The following PDE3B variants were observed in gnomAD, a reference collection of about 807,000 sequenced individuals.
PDE3B encodes the protein cGMP-inhibited 3',5'-cyclic phosphodiesterase 3B.
PDE3B carries 66 observed loss-of-function variants against 116.8 expected under a neutral mutation model. The observed-to-expected ratio is 0.56, with a 90% confidence interval of 0.46 to 0.69. The LOEUF is 0.69. PDE3B is among the 30% of genes least tolerant of loss of function. PDE3B has a pLI of 0.00. For missense variants in PDE3B, 1,384 were observed against 1,368.1 expected (o/e 1.01, Z -0.18); for synonymous variants, 595 against 533.6 (o/e 1.12, Z -1.59).
rs149561682 is a variant in PDE3B, at chr11:14,705,650, C to T, written c.978+60597C>T. ...TGCATATTTTATTCAACAAGTTTGA[C>T]GAAGGAACTTAGGAACACTAAGTTG... On this transcript the variant is annotated intron_variant, in intron 1 of 15. Coordinates refer to ENST00000282096, the MANE Select transcript of PDE3B (RefSeq NM_000922.4). Among the ~76,000 whole-genome samples, 9 of 151,810 alleles carry T rather than the reference C, an allele frequency of 5.9e-5. No homozygotes were observed. The East Asian group carries it at 9.7e-4, about 16-fold the overall frequency.
chr11:14,701,839 A>T (rs962017105), intron 1 of PDE3B, among the ~76,000 whole-genome samples: 2 of 151,390 alleles, frequency 1.3e-5, no homozygotes, highest in Non-Finnish European at 3.0e-5. Flanking sequence ...GTAGAAAGCC[A>T]TTCTGATTTC....
At chr11:14,645,075 G>A (rs144654356) in intron 1 of PDE3B, 22 bp downstream of exon 1, 4 of 1,544,004 alleles carry the variant, frequency 2.6e-6, no homozygotes, top group Non-Finnish European at 3.5e-6. Flanking sequence ...GGAAGGCGAG[G>A]TCTGGGACGC....
chr11:14,830,922 C>A (rs1477095967), intron 8 of PDE3B, 76 bp downstream of exon 8: 4 of 1,000,828 alleles, frequency 4.0e-6, no homozygotes, highest in South Asian at 3.4e-5. Context: ...TTACTTTTGC[C>A]CAGAACAAGA....
rs143254814 is a variant in PDE3B at position 14,850,981 on chromosome 11, A to ATT, written c.2520+6977_2520+6978dup. On this transcript the variant is annotated intron_variant, in intron 12 of 15. Transcript: ENST00000282096. Reference sequence around the variant, plus strand: ...GTAGCTGGGACTACCACACCCAGCTATTTTTTTTTTTTTTTTTTTTTTTAG... The same window carrying ATT: ...GTAGCTGGGACTACCACACCCAGCTATTTTTTTTTTTTTTTTTTTTTTTTTAG... Among the ~76,000 whole-genome samples the ATT allele has an allele frequency of 1.7e-3, 176 of 103,358 alleles. 1 individual carries two copies. Among genetic ancestry groups the ATT allele is most frequent in the African/African-American group, 4.7e-3 (127 of 27,002 alleles). The allele number at this position is 103,358 out of a possible 152,430, so 67.8% of individuals were successfully genotyped here. A position where few individuals can be genotyped will look rare whatever the true frequency, so the allele number is the denominator to read the frequency against.
At chr11:14,781,099 C>A (rs1857984601) in intron 2 of PDE3B, among the ~76,000 whole-genome samples, 1 of 152,108 alleles carries the variant, frequency 6.6e-6, no homozygotes, top group South Asian at 2.1e-4. Flanking sequence ...ATACACCCTC[C>A]CAAGACTAAA....
intron 1 of PDE3B, among the ~76,000 whole-genome samples, chr11:14,668,452 AG>A (rs1423303621): frequency 1.3e-5 from 2 of 152,186 alleles, no homozygotes; most frequent in Non-Finnish European, 2.9e-5. Flanking sequence ...AAAATGTTAA[AG>A]GAAAGACATT....
chr11:14,645,741 T>C (rs1853382384), intron 1 of PDE3B, among the ~76,000 whole-genome samples: 1 of 152,192 alleles, frequency 6.6e-6, no homozygotes, highest in Admixed American at 6.5e-5. Flanking sequence ...CAAAAGCATT[T>C]CCATTTTTTC....
At chr11:14,880,468 C>A in the PDE3B span, 1 of 1,613,470 alleles carries the variant, frequency 6.2e-7, no homozygotes, top group South Asian at 1.1e-5. Flanking sequence ...GACTGAGGCA[C>A]TGGCAGCTAG....
the PDE3B span, among the ~76,000 whole-genome samples, chr11:14,883,809 G>A: frequency 5.3e-5 from 8 of 151,958 alleles, no homozygotes; most frequent in African/African-American, 1.5e-4. Flanking sequence ...AATATCCAGA[G>A]TCTACAATGA....
At chr11:14,671,390 G>T (rs1854362953) in intron 1 of PDE3B, among the ~76,000 whole-genome samples, 1 of 152,026 alleles carries the variant, frequency 6.6e-6, no homozygotes, top group Admixed American at 6.6e-5. Flanking sequence ...CAAAGGCCCT[G>T]TGGTGGGAAA....
chr11:14,884,839 T>C, the PDE3B span, among the ~76,000 whole-genome samples: 1 of 152,160 alleles, frequency 6.6e-6, no homozygotes, highest in Non-Finnish European at 1.5e-5. Flanking sequence ...AATATTACTG[T>C]GATTGCATCA....
intron 12 of PDE3B, among the ~76,000 whole-genome samples, chr11:14,853,606 T>C (rs1484130419): frequency 1.3e-5 from 2 of 152,210 alleles, no homozygotes; most frequent in Non-Finnish European, 2.9e-5. Context: ...AGTCAGGCCA[T>C]AATTAATGAA....
intron 5 of PDE3B, among the ~76,000 whole-genome samples, chr11:14,812,298 A>G (rs1054259715): frequency 2.6e-5 from 4 of 152,218 alleles, no homozygotes; most frequent in African/African-American, 4.8e-5. Flanking sequence ...ACACGTAAGC[A>G]TGTTCTGTCA....
At chr11:14,852,065 G>GT (rs1847764505) in intron 12 of PDE3B, among the ~76,000 whole-genome samples, 1 of 152,112 alleles carries the variant, frequency 6.6e-6, no homozygotes, top group East Asian at 1.9e-4. Context: ...GTTTTGCTTT[G>GT]TTTTGTTTTG....
the PDE3B span, chr11:14,887,085 C>T: frequency 4.6e-5 from 7 of 152,192 alleles, no homozygotes; most frequent in East Asian, 3.8e-4. Flanking sequence ...GGCTACCAGC[C>T]GAGCAAAGTG....
chr11:14,781,413 A>G (rs971940626), intron 2 of PDE3B, among the ~76,000 whole-genome samples: 1 of 152,258 alleles, frequency 6.6e-6, no homozygotes, highest in Non-Finnish European at 1.5e-5. Context: ...AATCCTGAAT[A>G]AAATACTGGC....
chr11:14,833,790 TG>T (rs1859972545), intron 10 of PDE3B, among the ~76,000 whole-genome samples: 1 of 152,172 alleles, frequency 6.6e-6, no homozygotes, highest in Non-Finnish European at 1.5e-5. Context: ...TAATTTAAGA[TG>T]AGTTACATAT....
At chr11:14,820,934 A>G (rs1217445286) in intron 7 of PDE3B, among the ~76,000 whole-genome samples, 2 of 152,324 alleles carry the variant, frequency 1.3e-5, no homozygotes, top group Non-Finnish European at 2.9e-5. Flanking sequence ...GCATTTTACA[A>G]TGGGTAGATT....
the PDE3B span, chr11:14,891,582 T>C: frequency 9.7e-7 from 1 of 1,036,042 alleles, no homozygotes; most frequent in Admixed American, 5.4e-5. Context: ...ACAAGCCGCG[T>C]GCAGCTTCCA....
Sources: allele counts gnomAD v4.1 joint callset (sites outside exome capture counted in the v4.1 genomes callset), GRCh38; gene constraint gnomAD v4.1.1; transcripts MANE v1.5; gene names NCBI Gene and HGNC (gene_info 2026-07-23, HGNC 2026-07-21).